The following LHFPL3 variants were observed in gnomAD, a reference collection of about 807,000 sequenced individuals.
LHFPL3 encodes LHFPL tetraspan subfamily member 3.
In LHFPL3, 5 loss-of-function variants were observed where a neutral mutation model predicts 19.3. The observed-to-expected ratio is 0.26, with a 90% confidence interval of 0.14 to 0.54. The LOEUF (loss-of-function observed/expected upper bound fraction) is 0.54, where lower values mean the gene tolerates loss of function less well. LHFPL3 is among the 20% of genes least tolerant of loss of function. The pLI, the probability that LHFPL3 is intolerant of heterozygous loss-of-function variation, is 0.94. For synonymous variants in LHFPL3, 133 were observed against 126.2 expected (o/e 1.05, Z -0.36); for missense variants, 249 against 307.4 (o/e 0.81, Z 1.42).
intron 2 of LHFPL3, among the ~76,000 whole-genome samples, chr7:104,794,842 T>C (rs1425665476): frequency 2.6e-5 from 4 of 152,218 alleles, no homozygotes; most frequent in Non-Finnish European, 5.9e-5. Flanking sequence ...AATTTGCTGT[T>C]CTAATAGGAG....
intron 2 of LHFPL3, among the ~76,000 whole-genome samples, chr7:104,798,832 C>A (rs1308359458): frequency 6.6e-6 from 1 of 152,080 alleles, no homozygotes; most frequent in African/African-American, 2.4e-5. Flanking sequence ...TTTAAAACTA[C>A]CTCATGTTTT....
intron 1 of LHFPL3, among the ~76,000 whole-genome samples, chr7:104,642,873 G>A (rs1462510830): frequency 6.6e-6 from 1 of 152,166 alleles, no homozygotes; most frequent in African/African-American, 2.4e-5. Context: ...CTATAACCCA[G>A]CACCTGCTTC....
chr7:104,572,046 T>G (rs1179315891), intron 1 of LHFPL3, among the ~76,000 whole-genome samples: 3 of 152,214 alleles, frequency 2.0e-5, no homozygotes, highest in Non-Finnish European at 4.4e-5. Context: ...TGTTTTAAAG[T>G]GCAGATTTTA....
At chr7:104,743,433 G>A (rs1372185083) in intron 2 of LHFPL3, among the ~76,000 whole-genome samples, 3 of 152,104 alleles carry the variant, frequency 2.0e-5, no homozygotes, top group Non-Finnish European at 4.4e-5. Flanking sequence ...CTTTGGCCTA[G>A]CCCCTTAACA....
At chr7:104,838,339 T>C (rs186374179) in intron 2 of LHFPL3, among the ~76,000 whole-genome samples, 2 of 152,362 alleles carry the variant, frequency 1.3e-5, no homozygotes, top group East Asian at 3.9e-4. Context: ...TCTCTGCTCC[T>C]AACCCTACAT....
intron 1 of LHFPL3, among the ~76,000 whole-genome samples, chr7:104,421,078 C>T (rs1187914037): frequency 2.0e-5 from 3 of 152,060 alleles, no homozygotes; most frequent in Non-Finnish European, 2.9e-5. Flanking sequence ...CATAAGGAGA[C>T]TGGCAGAGAG....
chr7:104,430,386 A>ATGTATATATATATATATATATATATATG (rs1200869852), intron 1 of LHFPL3, among the ~76,000 whole-genome samples: 1 of 41,970 alleles, frequency 2.4e-5, no homozygotes. Context: ...ATATATACAT[A>ATGTATATATATATATATATATATATATG]TATATATATA....
chr7:104,449,132 T>C lies in LHFPL3; in HGVS notation c.445+119908T>C, dbSNP rs185044243. Among the ~76,000 whole-genome samples the C allele has an allele frequency of 1.9e-3, 282 of 152,338 alleles. 1 individual carries two copies. Among genetic ancestry groups the C allele is most frequent in the African/African-American group, 6.4e-3 (266 of 41,580 alleles). On this transcript the variant is annotated intron_variant, in intron 1 of 2. Coordinates refer to ENST00000424859, the MANE Select transcript of LHFPL3 (RefSeq NM_199000.3). ...AGAAGTAGACTTCTGAACTGAAAGA[T>C]AGAATTCTGCGGAGACAGTGGTGAG...
At chr7:104,636,326 A>G (rs1272660199) in intron 1 of LHFPL3, among the ~76,000 whole-genome samples, 1 of 152,184 alleles carries the variant, frequency 6.6e-6, no homozygotes, top group African/African-American at 2.4e-5. Flanking sequence ...TGGTGCTACT[A>G]ACATCCAAGG....
intron 2 of LHFPL3, among the ~76,000 whole-genome samples, chr7:104,822,054 G>A (rs1790685478): frequency 1.3e-5 from 2 of 152,178 alleles, no homozygotes; most frequent in Non-Finnish European, 2.9e-5. Flanking sequence ...GGAAAGGAGG[G>A]GCAGAGGGGA....
At chr7:104,749,577 T>G (rs1216428928) in intron 2 of LHFPL3, among the ~76,000 whole-genome samples, 3 of 152,286 alleles carry the variant, frequency 2.0e-5, no homozygotes, top group African/African-American at 7.2e-5. Flanking sequence ...TCTTTTGGGA[T>G]CATGGCCGGA....
chr7:104,600,326 G>A (rs958509639), intron 1 of LHFPL3, among the ~76,000 whole-genome samples: 8 of 152,152 alleles, frequency 5.3e-5, no homozygotes, highest in Admixed American at 2.6e-4. Flanking sequence ...ACGGAGCTCT[G>A]CTCTGTGGAG....
chr7:104,511,415 A>G (rs982071635), intron 1 of LHFPL3, among the ~76,000 whole-genome samples: 7 of 152,202 alleles, frequency 4.6e-5, no homozygotes, highest in African/African-American at 1.7e-4. Context: ...GCAATTTCCT[A>G]AAACACTGAA....
chr7:104,750,542 C>T (rs552207846), intron 2 of LHFPL3, among the ~76,000 whole-genome samples: 69 of 152,358 alleles, frequency 4.5e-4, no homozygotes, highest in African/African-American at 1.6e-3. Flanking sequence ...TGAATTTGAA[C>T]TCCTTTTAGA....
chr7:104,811,233 C>T (rs1790464979), intron 2 of LHFPL3, among the ~76,000 whole-genome samples: 1 of 150,582 alleles, frequency 6.6e-6, no homozygotes, highest in African/African-American at 2.5e-5. Context: ...CTCCCTCTGT[C>T]TCCCAGGAGG....
chr7:104,623,003 A>T, intron 1 of LHFPL3: 1 of 372,352 alleles, frequency 2.7e-6, no homozygotes. Context: ...TCTCATTGTA[A>T]TTTTTGATTT....
intron 1 of LHFPL3, among the ~76,000 whole-genome samples, chr7:104,480,241 C>T (rs982467059): frequency 6.6e-6 from 1 of 152,172 alleles, no homozygotes; most frequent in Non-Finnish European, 1.5e-5. Flanking sequence ...GATTCTGCCT[C>T]ACAGAATTGT....
chr7:104,368,363 G>A (rs1186391951), intron 1 of LHFPL3, among the ~76,000 whole-genome samples: 2 of 152,116 alleles, frequency 1.3e-5, no homozygotes, highest in Admixed American at 1.3e-4. Flanking sequence ...ACAAAAAAAA[G>A]GGACCTGAAC....
intron 1 of LHFPL3, chr7:104,668,671 C>A: frequency 6.2e-7 from 1 of 1,610,972 alleles, no homozygotes; most frequent in Non-Finnish European, 8.5e-7. Flanking sequence ...TCGTGGAGCT[C>A]CAGAGATGAT....
Sources: gnomAD v4.1 joint callset for allele counts (sites outside exome capture counted in the v4.1 genomes callset) on GRCh38, gnomAD v4.1.1 for gene constraint, MANE v1.5 for transcripts, NCBI Gene and HGNC (gene_info 2026-07-23, HGNC 2026-07-21) for gene names.